Variants in SYS1 observed in about 807,000 individuals in gnomAD.
The protein encoded by SYS1 is SYS1 golgi trafficking protein.
SYS1 carries 8 observed loss-of-function variants against 17.8 expected under a neutral mutation model. The observed-to-expected ratio is 0.45, with a 90% CI of 0.26 to 0.81. The LOEUF (loss-of-function observed/expected upper bound fraction) is 0.81. SYS1 is among the 40% of genes least tolerant of loss of function. The probability of loss-of-function intolerance (pLI) is 0.16; values close to 1 mark genes in which losing one functional copy is unlikely to be tolerated. For missense variants in SYS1, 161 were observed against 203.9 expected, an observed-to-expected ratio of 0.79 and a Z score of 1.28; for synonymous variants, 95 against 90.9, an observed-to-expected ratio of 1.05 and a Z score of -0.26.
intron 2 of SYS1, among the ~76,000 whole-genome samples, chr20:45,364,503 C>G (rs999103719): frequency 3.5e-5 from 4 of 113,954 alleles, no homozygotes; most frequent in African/African-American, 1.0e-4. Flanking sequence ...ACGGAGTCTC[C>G]CTCTGTCGCC....
downstream of SYS1, among the ~76,000 whole-genome samples, chr20:45,370,709 T>G (rs1179780448): frequency 6.6e-6 from 1 of 152,108 alleles, no homozygotes; most frequent in Non-Finnish European, 1.5e-5. Context: ...AGCTTCCTTC[T>G]GCCAGCCCCA....
At chr20:45,363,496 C>T (rs769342533) in intron 1 of SYS1, 33 bp from the exon 2 acceptor site, 6 of 1,561,708 alleles carry the variant, frequency 3.8e-6, no homozygotes, top group Admixed American at 1.9e-5. Context: ...TGGAGACAGG[C>T]CGCTGGCTGA....
rs560339510 is a variant in SYS1 at position 45,374,277 on chromosome 20, C to G, written c.*-17C>G. The G allele has an allele frequency of 2.0e-4, 138 of 697,372 alleles. 2 individuals carry two copies. Among genetic ancestry groups the G allele is most frequent in the South Asian group, 1.8e-3 (121 of 66,552 alleles). The allele number at this position is 697,372 out of a possible 1,614,324, so 43.2% of individuals were successfully genotyped here. On this transcript the variant is annotated splice_polypyrimidine_tract_variant and intron_variant, in intron 3 of 3. Coordinates refer to the SYS1 transcript ENST00000426004. ...TCTGCTCAGAGTAAATCTTTTTTTCCTTTCTTTTTTTTTAAGACAGGGTCT... is the reference window on the plus strand; with the variant it reads ...TCTGCTCAGAGTAAATCTTTTTTTCGTTTCTTTTTTTTTAAGACAGGGTCT...
chr20:45,376,095 T>C (rs73301837), exon 4 of SYS1: 2 of 152,254 alleles, frequency 1.3e-5, no homozygotes, highest in East Asian at 3.9e-4. Context: ...AAAAAAAAAA[T>C]TTTTAAGTTG....
exon 4 of SYS1, chr20:45,376,354 GATA>G (rs1988734280): frequency 1.3e-5 from 2 of 152,366 alleles, no homozygotes; most frequent in African/African-American, 4.8e-5. Context: ...ATACTGTGAT[GATA>G]ATAATGGCTC....
At chr20:45,365,532 A>G (rs1302695112) in intron 2 of SYS1, 87 bp from the exon 3 acceptor site, 6 of 1,289,766 alleles carry the variant, frequency 4.7e-6, no homozygotes, top group Non-Finnish European at 6.8e-6. Context: ...TCTGGGAAGA[A>G]TGCTTGTTCC....
At chr20:45,363,070 G>A (rs1022790600), upstream of SYS1, 2 of 984,998 alleles carry the variant, frequency 2.0e-6, no homozygotes, top group Non-Finnish European at 2.4e-6. Context: ...GCTTGTACCT[G>A]GTTCAGGAGG....
At position 45,367,435 on chromosome 20, in the gene SYS1, A is replaced by T. The variant is rs761947710; in HGVS notation, c.*320A>T. Reference sequence around the variant, plus strand: ...CACCAGCCTGTTGTTTTAAGAGAGAAAAAAAATCAAGGATATCTGATTGGA... The same window carrying T: ...CACCAGCCTGTTGTTTTAAGAGAGATAAAAAATCAAGGATATCTGATTGGA... On this transcript the variant is annotated 3_prime_UTR_variant, in exon 4 of 4. Transcript: ENST00000243918. The T allele has an allele frequency of 6.9e-6, 8 of 1,153,210 alleles. No homozygotes were observed. The highest frequency in any genetic ancestry group is 8.6e-6 in the Non-Finnish European group (8 of 931,200). The allele number at this position is 1,153,210 out of a possible 1,614,324, so 71.4% of individuals were successfully genotyped here. A position where few individuals can be genotyped will look rare whatever the true frequency, so the allele number is the denominator to read the frequency against.
chr20:45,362,197 A>C (rs984408824), upstream of SYS1, among the ~76,000 whole-genome samples: 1 of 152,168 alleles, frequency 6.6e-6, no homozygotes, highest in African/African-American at 2.4e-5. Context: ...TTTCCACTGG[A>C]CACCCACATT....
rs1490522868 is a variant in SYS1 at position 45,369,185 on chromosome 20, T to C, written c.*2070T>C. ...AGTGACATGTTTGTCATTTTAATAA[T>C]AAATAACATCTATTGAGTGCTTAAG... On this transcript the variant is annotated 3_prime_UTR_variant, in exon 4 of 4. Coordinates refer to ENST00000243918, the MANE Select transcript of SYS1 (RefSeq NM_033542.4). The C allele has an allele frequency of 6.6e-6, 1 of 152,210 alleles. No homozygotes were observed. The highest frequency in any genetic ancestry group is 2.4e-5 in the African/African-American group (1 of 41,452). 9.4% of individuals were successfully genotyped at this position (152,210 alleles called of 1,614,324 possible). A position where few individuals can be genotyped will look rare whatever the true frequency, so the allele number is the denominator to read the frequency against.
chr20:45,365,504 A>G lies in SYS1; in HGVS notation c.163-115A>G, dbSNP rs564322449. ...AATAGGCTGCCGTACAGATGTAGGG[A>G]GGTATTATCTTCTGTGCTCTGGGAA... is the stretch of plus-strand genomic sequence containing the variant. On this transcript the variant is annotated intron_variant, in intron 2 of 3. Coordinates refer to ENST00000243918, the MANE Select transcript of SYS1 (RefSeq NM_033542.4). 1.6e-5 allele frequency: 15 copies of G among 930,386 alleles called. No homozygotes were observed. In the African/African-American group the frequency reaches 2.1e-4, roughly 13 times the overall value. The allele number at this position is 930,386 out of a possible 1,614,324, so 57.6% of individuals were successfully genotyped here. A position where few individuals can be genotyped will look rare whatever the true frequency, so the allele number is the denominator to read the frequency against.
chr20:45,362,965 C>G (rs1056409898), upstream of SYS1: 1 of 334,826 alleles, frequency 3.0e-6, no homozygotes, highest in African/African-American at 2.2e-5. Context: ...AAAGAATTCC[C>G]CTCTAGAGGG....
At chr20:45,375,434 C>A (rs201490533) in exon 4 of SYS1, 1 of 1,614,122 alleles carries the variant, frequency 6.2e-7, no homozygotes, top group Non-Finnish European at 8.5e-7. Context: ...TCCTTGTACT[C>A]TTTTTTCTTA....
rs1352642970 is a variant in SYS1 at position 45,367,975 on chromosome 20, C to G, written c.*860C>G. On this transcript the variant is annotated 3_prime_UTR_variant, in exon 4 of 4. Coordinates refer to ENST00000243918, the MANE Select transcript of SYS1 (RefSeq NM_033542.4). ...TGATGGGTTCCCAGAGACAAGAAGCCCAACCTTCTGGCCTGGGCTGTGCTG... is the reference window on the plus strand; with the variant it reads ...TGATGGGTTCCCAGAGACAAGAAGCGCAACCTTCTGGCCTGGGCTGTGCTG... 1.2e-5 allele frequency: 12 copies of G among 985,316 alleles called. No homozygotes were observed. The highest frequency in any genetic ancestry group is 1.4e-5 in the Non-Finnish European group (12 of 829,936). The allele number at this position is 985,316 out of a possible 1,614,324, so 61.0% of individuals were successfully genotyped here. A position where few individuals can be genotyped will look rare whatever the true frequency, so the allele number is the denominator to read the frequency against.
intron 2 of SYS1, among the ~76,000 whole-genome samples, chr20:45,365,008 G>C (rs1305905432): frequency 6.6e-6 from 1 of 152,182 alleles, no homozygotes; most frequent in Non-Finnish European, 1.5e-5. Context: ...TTGGATAGTG[G>C]AGGTTGCACA....
exon 4 of SYS1, chr20:45,374,887 C>G: frequency 1.9e-6 from 2 of 1,054,192 alleles, no homozygotes; most frequent in Non-Finnish European, 1.4e-6. Context: ...TAAGGCTTCC[C>G]CCTCTCTGGA....
chr20:45,375,664 G>A (rs1011020035), exon 4 of SYS1: 2 of 1,344,910 alleles, frequency 1.5e-6, no homozygotes, highest in Admixed American at 2.3e-5. Context: ...AGAGGGGCCT[G>A]CAAAGAAACT....
In SYS1 at chr20:45,368,699, G is replaced by A. The variant is rs117752328; in HGVS notation, c.*1584G>A. 4.2e-5 allele frequency: 41 copies of A among 985,464 alleles called. 1 individual carries two copies. In the East Asian group the frequency reaches 4.5e-3, roughly 109 times the overall value. 61.0% of individuals were successfully genotyped at this position (985,464 alleles called of 1,614,324 possible). ...TGGCCAAGTTGGAAGGAAGCAGTTT[G>A]TTAATGAGGCACAGTAATCCTGGCT... On this transcript the variant is annotated 3_prime_UTR_variant, in exon 4 of 4. Coordinates refer to ENST00000243918, the MANE Select transcript of SYS1 (RefSeq NM_033542.4).
upstream of SYS1, chr20:45,363,011 T>G: frequency 2.7e-6 from 2 of 729,058 alleles, no homozygotes; most frequent in African/African-American, 1.9e-5. Context: ...CTCTCTTCCG[T>G]TTGCCTTCAC....
Sources: allele counts gnomAD v4.1 joint callset (sites outside exome capture counted in the v4.1 genomes callset), GRCh38; gene constraint gnomAD v4.1.1; transcripts MANE v1.5; gene names NCBI Gene and HGNC (gene_info 2026-07-23, HGNC 2026-07-21).